The following SLC35D4 variants were observed in gnomAD, a reference collection of about 807,000 sequenced individuals.
SLC35D4 encodes solute carrier family 35 member D4, also known as UDP-N-acetylglucosamine transporter SLC35D4.
At chr18:23,346,387 G>A in the SLC35D4 span, among the ~76,000 whole-genome samples, 35 of 152,276 alleles carry the variant, frequency 2.3e-4, no homozygotes, top group African/African-American at 7.2e-4. Flanking sequence ...CCGAAAGTGC[G>A]AGGATTATAG....
At chr18:23,392,305 T>C in the SLC35D4 span, among the ~76,000 whole-genome samples, 1 of 152,214 alleles carries the variant, frequency 6.6e-6, no homozygotes, top group East Asian at 1.9e-4. Flanking sequence ...GTAATTATTT[T>C]TGTAAGCTAC....
chr18:23,270,141 C>A, the SLC35D4 span, among the ~76,000 whole-genome samples: 1 of 152,192 alleles, frequency 6.6e-6, no homozygotes, highest in Non-Finnish European at 1.5e-5. Flanking sequence ...GGGCCCAGGG[C>A]TCCCTGCTGT....
the SLC35D4 span, among the ~76,000 whole-genome samples, chr18:23,337,327 T>C: frequency 6.6e-6 from 1 of 151,162 alleles, no homozygotes; most frequent in African/African-American, 2.4e-5. Context: ...CAAAAAAAAT[T>C]AGCTGGGCAT....
chr18:23,321,888 C>G, the SLC35D4 span, among the ~76,000 whole-genome samples: 6 of 152,196 alleles, frequency 3.9e-5, no homozygotes, highest in African/African-American at 1.4e-4. Flanking sequence ...AGAACTTTAT[C>G]AAGGGCACAC....
chr18:23,250,011 A>C, the SLC35D4 span, among the ~76,000 whole-genome samples: 1 of 152,200 alleles, frequency 6.6e-6, no homozygotes. Flanking sequence ...GAGGTGGGAC[A>C]CATTTGTATA....
At chr18:23,241,074 A>G in the SLC35D4 span, among the ~76,000 whole-genome samples, 1 of 152,148 alleles carries the variant, frequency 6.6e-6, no homozygotes, top group Non-Finnish European at 1.5e-5. Context: ...AGCAATTACT[A>G]TTCTCACTTC....
the SLC35D4 span, among the ~76,000 whole-genome samples, chr18:23,255,303 G>A: frequency 4.3e-5 from 6 of 140,336 alleles, no homozygotes; most frequent in Non-Finnish European, 7.7e-5. Context: ...TAAAAGACAT[G>A]GTTAAGTCAG....
the SLC35D4 span, among the ~76,000 whole-genome samples, chr18:23,273,875 A>AT: frequency 5.9e-5 from 9 of 152,024 alleles, no homozygotes; most frequent in Non-Finnish European, 1.3e-4. Flanking sequence ...CATTACTATA[A>AT]TTTTTTTCCA....
chr18:23,400,406 T>G, the SLC35D4 span, among the ~76,000 whole-genome samples: 2 of 152,090 alleles, frequency 1.3e-5, no homozygotes, highest in African/African-American at 4.8e-5. Context: ...GGTGGATCAG[T>G]TGAGGTCAGG....
the SLC35D4 span, among the ~76,000 whole-genome samples, chr18:23,431,350 A>T: frequency 1.3e-5 from 2 of 152,112 alleles, no homozygotes; most frequent in Non-Finnish European, 2.9e-5. Context: ...CCCAGATGTC[A>T]GAAATGTCAC....
chr18:23,388,897 T>C, the SLC35D4 span, among the ~76,000 whole-genome samples: 1 of 152,140 alleles, frequency 6.6e-6, no homozygotes, highest in Non-Finnish European at 1.5e-5. Flanking sequence ...GTAAGTTTCT[T>C]GAGGCCTTCC....
the SLC35D4 span, chr18:23,253,190 G>A: frequency 1.6e-6 from 1 of 640,344 alleles, no homozygotes; most frequent in Non-Finnish European, 2.9e-6. Flanking sequence ...GTCACATTCA[G>A]CAGAAAGGAC....
the SLC35D4 span, among the ~76,000 whole-genome samples, chr18:23,284,751 G>A: frequency 3.3e-5 from 5 of 151,798 alleles, no homozygotes; most frequent in Admixed American, 6.6e-5. Context: ...GTTATTTCCC[G>A]TCCCTACACT....
chr18:23,343,493 C>T, the SLC35D4 span, among the ~76,000 whole-genome samples: 7 of 152,158 alleles, frequency 4.6e-5, no homozygotes, highest in East Asian at 1.9e-4. Context: ...CGCTCACCTC[C>T]GCCTCTCAAA....
the SLC35D4 span, among the ~76,000 whole-genome samples, chr18:23,310,589 C>T: frequency 6.6e-6 from 1 of 152,068 alleles, no homozygotes; most frequent in East Asian, 1.9e-4. Flanking sequence ...TGCTTTCTTG[C>T]AGTGAGAGGT....
the SLC35D4 span, among the ~76,000 whole-genome samples, chr18:23,384,092 T>C: frequency 2.0e-5 from 3 of 147,466 alleles, no homozygotes; most frequent in African/African-American, 7.5e-5. Context: ...AGCTCGAGAA[T>C]AGCCTGGACA....
chr18:23,313,782 T>C, the SLC35D4 span, among the ~76,000 whole-genome samples: 1 of 152,122 alleles, frequency 6.6e-6, no homozygotes, highest in African/African-American at 2.4e-5. Flanking sequence ...CCCTCCTCTC[T>C]CACTGCACCC....
the SLC35D4 span, chr18:23,253,687 A>G: frequency 4.5e-6 from 7 of 1,554,062 alleles, no homozygotes; most frequent in Non-Finnish European, 6.2e-6. Flanking sequence ...CTGAAACTCT[A>G]AGTTTTCACA....
chr18:23,379,125 C>CTTT, the SLC35D4 span, among the ~76,000 whole-genome samples: 5 of 139,376 alleles, frequency 3.6e-5, no homozygotes, highest in East Asian at 2.1e-4. Context: ...CTCAAAAATT[C>CTTT]TTTTTTTTTT....
Sources: allele counts gnomAD v4.1 joint callset (sites outside exome capture counted in the v4.1 genomes callset), GRCh38; gene constraint gnomAD v4.1.1; transcripts MANE v1.5; gene names NCBI Gene and HGNC (gene_info 2026-07-23, HGNC 2026-07-21).